CARD10: variants seen among roughly 807,000 people sequenced by gnomAD.
CARD10 encodes the protein caspase recruitment domain-containing protein 10.
CARD10 carries 49 observed loss-of-function variants against 114.6 expected under a neutral mutation model. The observed-to-expected ratio is 0.43, with a 90% CI of 0.34 to 0.54. The LOEUF (loss-of-function observed/expected upper bound fraction) is 0.54, where lower values mean the gene tolerates loss of function less well. CARD10 is among the 20% of genes least tolerant of loss of function. The pLI is 0.03. For synonymous variants in CARD10, 602 were observed against 593.2 expected (o/e 1.01, Z -0.21); for missense variants, 1,206 against 1,397.2 (o/e 0.86, Z 2.18).
chr22:37,510,653 G>A (rs1204059735), intron 3 of CARD10: 1 of 537,466 alleles, frequency 1.9e-6, no homozygotes, highest in South Asian at 2.9e-5. Context: ...CCTCCCAGGG[G>A]AATCCACTCT....
rs1923475164 is a variant in CARD10 at position 37,508,037 on chromosome 22, G to A, written c.1066-83C>T. On this transcript the variant is annotated intron_variant, in intron 5 of 19. Coordinates refer to ENST00000251973, the MANE Select transcript of CARD10 (RefSeq NM_014550.4). ...CCAGCAGGTGCCCAGGAGGGCCAGTGAGAGACGCTCACCAACAGTCTGAGA... is the reference window on the plus strand; with the variant it reads ...CCAGCAGGTGCCCAGGAGGGCCAGTAAGAGACGCTCACCAACAGTCTGAGA... 1.1e-5 allele frequency: 17 copies of A among 1,534,606 alleles called. 1 individual carries two copies. The highest frequency in any genetic ancestry group is 2.2e-4 in the Middle Eastern group (1 of 4,520).
intron 19 of CARD10, 105 bp downstream of exon 19, chr22:37,491,650 G>T: frequency 1.7e-6 from 1 of 574,552 alleles, no homozygotes; most frequent in Non-Finnish European, 3.1e-6. Flanking sequence ...GAGGGGGAGG[G>T]AGAAAGAGGG....
At chr22:37,491,425 T>A in intron 19 of CARD10, 32 bp from the exon 20 acceptor site, 2 of 1,413,856 alleles carry the variant, frequency 1.4e-6, no homozygotes, top group Non-Finnish European at 1.9e-6. Flanking sequence ...GCGGTCAAAG[T>A]GGGGGACCAA....
At chr22:37,510,635 A>G in intron 3 of CARD10, 1 of 564,742 alleles carries the variant, frequency 1.8e-6, no homozygotes, top group Admixed American at 3.1e-5. Flanking sequence ...TAGCAAGGCC[A>G]AGGACACCCT....
chr22:37,502,480 A>T, intron 11 of CARD10, 122 bp downstream of exon 11: 1 of 1,179,838 alleles, frequency 8.5e-7, no homozygotes, highest in South Asian at 1.6e-5. Context: ...GCCAGTGTCT[A>T]CAGATCTTAA....
intron 19 of CARD10, 41 bp from the exon 20 acceptor site, chr22:37,491,434 AAGAC>A (rs1601806161): frequency 1.4e-6 from 2 of 1,380,388 alleles, no homozygotes; most frequent in East Asian, 2.5e-5. Flanking sequence ...GTGGGGGACC[AAGAC>A]AGACAGAGAG....
chr22:37,495,655 C>T, intron 14 of CARD10, 69 bp from the exon 15 acceptor site: 1 of 1,611,188 alleles, frequency 6.2e-7, no homozygotes, highest in Non-Finnish European at 8.5e-7. Flanking sequence ...GAACCCCCCG[C>T]CCTGTCCCAG....
rs751289222 is a variant in CARD10 at position 37,507,828 on chromosome 22, C to T, written c.1191+1G>A. ...GCCTCGTACACGCAGGCTGGGCTCA[C>T]CTGGTCTCGCTCCTTCTCAATCTCC... On this transcript the variant is annotated splice_donor_variant, in intron 6 of 19. Coordinates refer to ENST00000251973, the MANE Select transcript of CARD10 (RefSeq NM_014550.4). LOFTEE classifies it high-confidence loss of function. The T allele has an allele frequency of 1.2e-6, 2 of 1,614,160 alleles. No individual in the cohort carries two copies. Among genetic ancestry groups the T allele is most frequent in the South Asian group, 1.1e-5 (1 of 91,076 alleles).
intron 18 of CARD10, 25 bp from the exon 19 acceptor site, chr22:37,491,892 T>G (rs1319047058): frequency 2.0e-6 from 3 of 1,516,672 alleles, no homozygotes; most frequent in East Asian, 4.5e-5. Flanking sequence ...GAGGCTACAA[T>G]GTACTCCTGG....
chr22:37,506,161 G>A, intron 7 of CARD10, 31 bp downstream of exon 7: 1 of 1,420,164 alleles, frequency 7.0e-7, no homozygotes. Context: ...CAGCCTTCCT[G>A]CCAGGACCTC....
chr22:37,502,756 G>C (rs1482965291), intron 10 of CARD10, 31 bp from the exon 11 acceptor site: 1 of 1,605,248 alleles, frequency 6.2e-7, no homozygotes, highest in South Asian at 1.1e-5. Context: ...TCAGGGATCT[G>C]GCACTGGGAA....
intron 9 of CARD10, among the ~76,000 whole-genome samples, chr22:37,503,855 T>C (rs1445280824): frequency 2.6e-5 from 4 of 152,156 alleles, no homozygotes; most frequent in Non-Finnish European, 5.9e-5. Context: ...AGGTCCCTGA[T>C]ACCTTGAAAC....
At chr22:37,500,291 A>T (rs1923165089) in intron 11 of CARD10, among the ~76,000 whole-genome samples, 1 of 152,208 alleles carries the variant, frequency 6.6e-6, no homozygotes, top group Admixed American at 6.5e-5. Flanking sequence ...TTGCAAGGAC[A>T]GAAGGTGCCA....
chr22:37,500,513 C>T (rs535065065), intron 11 of CARD10, among the ~76,000 whole-genome samples: 32 of 152,250 alleles, frequency 2.1e-4, no homozygotes, highest in African/African-American at 7.5e-4. Context: ...CATCCCCTCC[C>T]GGCACCCAGG....
At chr22:37,495,634 C>A in intron 14 of CARD10, 48 bp from the exon 15 acceptor site, 1 of 1,609,768 alleles carries the variant, frequency 6.2e-7, no homozygotes, top group Non-Finnish European at 8.5e-7. Flanking sequence ...GAAAGCTCCT[C>A]ATTTCTCCTC....
Position 37,519,366 on chromosome 22 carries a change from G to C in CARD10, c.-166C>G. ...ACCCCGCACGCTACAGTCGCCTCGG[G>C]CTCCCGGGTCCGCACTCGGGCGGCG... On this transcript the variant is annotated 5_prime_UTR_variant, in exon 1 of 20. Transcript: ENST00000251973. This position sits in a 1 kb window ranked among gnomAD's most constrained non-coding sequence, Gnocchi z 4.1. 1 of 1,230,314 alleles carries C rather than the reference G, an allele frequency of 8.1e-7. No homozygotes were observed. The highest frequency in any genetic ancestry group is 3.1e-4 in the Middle Eastern group (1 of 3,194). The allele number at this position is 1,230,314 out of a possible 1,614,324, so 76.2% of individuals were successfully genotyped here.
Position 37,504,799 on chromosome 22 carries a change from G to A in CARD10, c.1384-30C>T, listed in dbSNP as rs370629022. On this transcript the variant is annotated intron_variant, in intron 7 of 19. Transcript: ENST00000251973. ...AAGAGGGAGAGGAGAGGAAGGAGGT[G>A]AGCAGTGCTAGGCCCACGTCAACCA... is the stretch of plus-strand genomic sequence containing the variant. 2.6e-5 allele frequency: 37 copies of A among 1,440,302 alleles called. No individual in the cohort carries two copies. The African/African-American group carries it at 4.8e-4, about 19-fold the overall frequency. 89.2% of individuals were successfully genotyped at this position (1,440,302 alleles called of 1,614,324 possible).
At position 37,491,131 on chromosome 22, in the gene CARD10, G is replaced by A. The variant is rs1182938028; in HGVS notation, c.*28C>T. On this transcript the variant is annotated 3_prime_UTR_variant, in exon 20 of 20. Coordinates refer to ENST00000251973, the MANE Select transcript of CARD10 (RefSeq NM_014550.4). ...AGACACCAGGGTCCACGCTGGCTTG[G>A]GGAGAAGGTGCAGGTATCAGATGAG... 2 of 1,514,748 alleles carry A rather than the reference G, an allele frequency of 1.3e-6. No homozygotes were observed. The highest frequency in any genetic ancestry group is 1.8e-6 in the Non-Finnish European group (2 of 1,117,824). The allele number at this position is 1,514,748 out of a possible 1,614,324, so 93.8% of individuals were successfully genotyped here. A position where few individuals can be genotyped will look rare whatever the true frequency, so the allele number is the denominator to read the frequency against.
chr22:37,495,547 G>GGGC lies in CARD10; in HGVS notation c.2340_2342dup (p.Pro781dup), dbSNP rs1378419434. The GGGC allele has an allele frequency of 6.2e-7, 1 of 1,613,234 alleles. No individual in the cohort carries two copies. The highest frequency in any genetic ancestry group is 8.5e-7 in the Non-Finnish European group (1 of 1,179,838). On this transcript the variant is annotated inframe_insertion, in exon 15 of 20. Coordinates refer to ENST00000251973, the MANE Select transcript of CARD10 (RefSeq NM_014550.4). ...TGCGGGGGCCTCGGTGCCGGCTGGA[G>GGGC]GGCAGGCATTTCTCCTGAACTTCTA...
Sources: gnomAD v4.1 joint callset for allele counts (sites outside exome capture counted in the v4.1 genomes callset) on GRCh38, gnomAD v4.1.1 for gene constraint, Gnocchi (gnomAD v3.1) non-coding constraint, MANE v1.5 for transcripts, NCBI Gene and HGNC (gene_info 2026-07-23, HGNC 2026-07-21) for gene names.